KIF16B: variants seen among roughly 807,000 people sequenced by gnomAD.
KIF16B encodes the protein kinesin family member 16B, also known as kinesin-like protein KIF16B.
In KIF16B, 98 loss-of-function variants were observed where a neutral mutation model predicts 156.3. The ratio of observed to expected loss-of-function variants is 0.63; its 90% CI spans 0.53 to 0.74. The LOEUF (loss-of-function observed/expected upper bound fraction) is 0.74. Among genes scored for constraint, KIF16B ranks in the 30% least tolerant of loss-of-function variants. The pLI is 0.00. For missense variants in KIF16B, 1,421 were observed against 1,606.5 expected, an observed-to-expected ratio of 0.88 and a Z score of 1.97; for synonymous variants, 564 against 583.7, an observed-to-expected ratio of 0.97 and a Z score of 0.49.
intron 12 of KIF16B, among the ~76,000 whole-genome samples, chr20:16,461,435 G>T (rs1298658160): frequency 6.6e-6 from 1 of 151,766 alleles, no homozygotes; most frequent in Non-Finnish European, 1.5e-5. Flanking sequence ...AAATAAACAG[G>T]CCCATTTTGT....
intron 12 of KIF16B, among the ~76,000 whole-genome samples, chr20:16,452,051 T>C (rs987922223): frequency 6.6e-6 from 1 of 151,846 alleles, no homozygotes; most frequent in Non-Finnish European, 1.5e-5. Flanking sequence ...GGGCACCAGG[T>C]AAGAATGGGT....
At position 16,323,250 on chromosome 20, in the gene KIF16B, C is replaced by T. The variant is rs546892793; in HGVS notation, c.3712-10832G>A. On this transcript the variant is annotated intron_variant, in intron 24 of 25. Transcript: ENST00000354981. The stretch of plus-strand genomic sequence containing the variant: ...AGAAGAAAAAATACAACATAGCACT[C>T]GAATTGGTCAAATCTGCTATAACCT... 1.4e-3 allele frequency among the ~76,000 whole-genome samples: 215 copies of T among 152,074 alleles called. 2 individuals carry two copies. The highest frequency in any genetic ancestry group is 4.9e-3 in the African/African-American group (204 of 41,536).
chr20:16,316,816 C>A (rs1179644175), intron 24 of KIF16B, among the ~76,000 whole-genome samples: 2 of 152,064 alleles, frequency 1.3e-5, no homozygotes, highest in South Asian at 4.2e-4. Context: ...ATTTGAACTG[C>A]CTAAATAGTT....
chr20:16,464,821 T>A lies in KIF16B; in HGVS notation c.1302+29470A>T, dbSNP rs370825586. Among the ~76,000 whole-genome samples, 15 of 152,310 alleles carry A rather than the reference T, an allele frequency of 9.8e-5. No individual in the cohort carries two copies. In the East Asian group the frequency reaches 2.1e-3, roughly 22 times the overall value. ...CTTTCATACTTGCATCCCAACCGCCTAAAAGTGTTGGTTTTCAAACTAAAA... is the reference window on the plus strand; with the variant it reads ...CTTTCATACTTGCATCCCAACCGCCAAAAAGTGTTGGTTTTCAAACTAAAA... On this transcript the variant is annotated intron_variant, in intron 12 of 25. Transcript: ENST00000354981.
At chr20:16,431,298 A>G (rs971766780) in intron 12 of KIF16B, among the ~76,000 whole-genome samples, 2 of 152,088 alleles carry the variant, frequency 1.3e-5, no homozygotes, top group African/African-American at 2.4e-5. Context: ...AGGTCCTTTA[A>G]ATAGCCTCCC....
chr20:16,501,682 T>C (rs1392906495), intron 10 of KIF16B, among the ~76,000 whole-genome samples: 1 of 152,158 alleles, frequency 6.6e-6, no homozygotes, highest in Admixed American at 6.5e-5. Context: ...ATGGATCCAC[T>C]ACTACATGCA....
At chr20:16,534,967 T>C (rs757217513) in intron 1 of KIF16B, among the ~76,000 whole-genome samples, 81 of 152,348 alleles carry the variant, frequency 5.3e-4, no homozygotes, top group Admixed American at 3.9e-3. Context: ...TTAGGGTTGC[T>C]GTGGCTATTT....
chr20:16,511,168 A>G (rs897523352), intron 6 of KIF16B, among the ~76,000 whole-genome samples: 2 of 152,252 alleles, frequency 1.3e-5, no homozygotes, highest in Admixed American at 6.5e-5. Flanking sequence ...TTTGGAAAAG[A>G]AAATTCCAGA....
intron 15 of KIF16B, among the ~76,000 whole-genome samples, chr20:16,420,153 C>T (rs1018518276): frequency 2.6e-5 from 4 of 152,088 alleles, no homozygotes; most frequent in African/African-American, 9.7e-5. Context: ...AGGCAACAAA[C>T]TTTATATATG....
chr20:16,396,206 A>G (rs1021779774), intron 17 of KIF16B, among the ~76,000 whole-genome samples: 13 of 152,200 alleles, frequency 8.5e-5, no homozygotes, highest in African/African-American at 3.1e-4. Flanking sequence ...AACTCCACAC[A>G]CAAGGGATCT....
At chr20:16,529,009 G>A (rs1009204184) in intron 1 of KIF16B, among the ~76,000 whole-genome samples, 9 of 152,214 alleles carry the variant, frequency 5.9e-5, no homozygotes, top group Non-Finnish European at 1.2e-4. Flanking sequence ...GGAGTGTGAC[G>A]CCACTGAACA....
Position 16,371,781 on chromosome 20 carries a change from G to C in KIF16B, c.3351-20C>G, listed in dbSNP as rs771738893. 62 of 1,531,870 alleles carry C rather than the reference G, an allele frequency of 4.0e-5. 1 individual carries two copies. Among genetic ancestry groups the C allele is most frequent in the South Asian group, 2.8e-4 (25 of 89,236 alleles). The allele number at this position is 1,531,870 out of a possible 1,614,324, so 94.9% of individuals were successfully genotyped here. The stretch of plus-strand genomic sequence containing the variant: ...TTGATCCTGTAACACAATGGAGATG[G>C]AGTAGATCTGACACTTCTAACCACA... On this transcript the variant is annotated intron_variant, in intron 20 of 25. Transcript: ENST00000354981.
At chr20:16,317,979 C>T (rs1428022671) in intron 24 of KIF16B, among the ~76,000 whole-genome samples, 1 of 152,198 alleles carries the variant, frequency 6.6e-6, no homozygotes, top group Non-Finnish European at 1.5e-5. Context: ...AGCAACTCCA[C>T]AGCCCCCATG....
At chr20:16,470,670 T>C (rs1287777075) in intron 12 of KIF16B, among the ~76,000 whole-genome samples, 1 of 151,154 alleles carries the variant, frequency 6.6e-6, no homozygotes, top group Non-Finnish European at 1.5e-5. Flanking sequence ...TCTTTTTTTT[T>C]TTTTTTGGTA....
In KIF16B at chr20:16,368,106, A is replaced by C. The variant is rs570505639; in HGVS notation, c.3498+2480T>G. 11 of 1,270,440 alleles carry C rather than the reference A, an allele frequency of 8.7e-6. No individual in the cohort carries two copies. In the East Asian group the frequency reaches 4.0e-4, roughly 47 times the overall value. The allele number at this position is 1,270,440 out of a possible 1,614,324, so 78.7% of individuals were successfully genotyped here. A position where few individuals can be genotyped will look rare whatever the true frequency, so the allele number is the denominator to read the frequency against. Reference sequence around the variant, plus strand: ...CTTTGACTTCCTTCATGTTGCCCAAAGGTTCTGGTAGAGAACAAGTCACAT... The same window carrying C: ...CTTTGACTTCCTTCATGTTGCCCAACGGTTCTGGTAGAGAACAAGTCACAT... On this transcript the variant is annotated intron_variant, in intron 22 of 25. Coordinates refer to ENST00000354981, the MANE Select transcript of KIF16B (RefSeq NM_024704.5).
At chr20:16,445,369 T>C (rs1392675655) in intron 12 of KIF16B, among the ~76,000 whole-genome samples, 1 of 151,998 alleles carries the variant, frequency 6.6e-6, no homozygotes, top group Non-Finnish European at 1.5e-5. Flanking sequence ...TATATATACA[T>C]CTATATTTAT....
intron 24 of KIF16B, among the ~76,000 whole-genome samples, chr20:16,323,643 G>C (rs1055478475): frequency 6.6e-6 from 1 of 151,854 alleles, no homozygotes; most frequent in African/African-American, 2.4e-5. Context: ...GGTAACTTAA[G>C]CCCATACCAC....
chr20:16,449,934 G>A lies in KIF16B; in HGVS notation c.1303-19952C>T, dbSNP rs1313716136. On this transcript the variant is annotated intron_variant, in intron 12 of 25. Coordinates refer to ENST00000354981, the MANE Select transcript of KIF16B (RefSeq NM_024704.5). ...TTTTAATGAGGATAACTATAAGAAT[G>A]AACAGCAGAAATACTAGAAGAAAAT... 2.6e-5 allele frequency among the ~76,000 whole-genome samples: 4 copies of A among 152,048 alleles called. No homozygotes were observed. The East Asian group carries it at 7.7e-4, about 29-fold the overall frequency.
At chr20:16,331,589 AT>A (rs1270183195) in intron 24 of KIF16B, among the ~76,000 whole-genome samples, 1 of 152,200 alleles carries the variant, frequency 6.6e-6, no homozygotes, top group African/African-American at 2.4e-5. Flanking sequence ...ATCATCAAAC[AT>A]TTTGTTACCC....
Sources: allele counts gnomAD v4.1 joint callset (sites outside exome capture counted in the v4.1 genomes callset), GRCh38; gene constraint gnomAD v4.1.1; transcripts MANE v1.5; gene names NCBI Gene and HGNC (gene_info 2026-07-23, HGNC 2026-07-21).